The following FRK variants were observed in gnomAD, a reference collection of about 807,000 sequenced individuals.
FRK encodes the protein tyrosine-protein kinase FRK.
In FRK, 51 loss-of-function variants were observed where a neutral mutation model predicts 56.4. The ratio of observed to expected loss-of-function variants is 0.90; its 90% confidence interval spans 0.72 to 1.14. FRK has a LOEUF of 1.14. Ranked by LOEUF, FRK falls within the 50% of genes most tolerant of loss-of-function variation. FRK has a pLI of 0.00. For missense variants in FRK, 570 were observed against 601.4 expected (o/e 0.95, Z 0.55); for synonymous variants, 245 against 217.9 (o/e 1.12, Z -1.10).
rs1771964418 is a variant in FRK at position 115,931,914 on chromosome 6, C to T, written c.*10500G>A. Reference sequence around the variant, plus strand: ...CTGCATGGTAATACTTCCAACTGGACACTTGAGGTGTGTTTGAGATATAGC... The same window carrying T: ...CTGCATGGTAATACTTCCAACTGGATACTTGAGGTGTGTTTGAGATATAGC... On this transcript the variant is annotated 3_prime_UTR_variant, in exon 8 of 8. Transcript: ENST00000606080. The T allele has an allele frequency of 6.6e-6, 1 of 152,170 alleles. No homozygotes were observed. Among genetic ancestry groups the T allele is most frequent in the Non-Finnish European group, 1.5e-5 (1 of 68,018 alleles). The allele number at this position is 152,170 out of a possible 1,614,324, so 9.4% of individuals were successfully genotyped here.
chr6:116,094,183 G>A, the FRK span, among the ~76,000 whole-genome samples: 3 of 152,122 alleles, frequency 2.0e-5, no homozygotes, highest in South Asian at 2.1e-4. Context: ...CCACTATGCC[G>A]AGGCAATCAC....
At chr6:116,052,057 C>T (rs1777198465) in intron 1 of FRK, among the ~76,000 whole-genome samples, 1 of 152,022 alleles carries the variant, frequency 6.6e-6, no homozygotes, top group African/African-American at 2.4e-5. Flanking sequence ...TAAATATAAC[C>T]ATAGTATGGT....
At chr6:116,064,795 G>A (rs574019090), upstream of FRK, among the ~76,000 whole-genome samples, 8 of 152,216 alleles carry the variant, frequency 5.3e-5, no homozygotes, top group East Asian at 1.2e-3. Context: ...TGGAAGATAT[G>A]ACTTGGAATT....
chr6:115,995,238 G>C (rs1014451300), intron 2 of FRK, among the ~76,000 whole-genome samples: 2 of 152,066 alleles, frequency 1.3e-5, no homozygotes, highest in African/African-American at 4.8e-5. Context: ...TAGTTGAATA[G>C]GAAGTAGGAG....
At chr6:115,983,936 A>G (rs1004172117) in intron 2 of FRK, among the ~76,000 whole-genome samples, 4 of 152,164 alleles carry the variant, frequency 2.6e-5, no homozygotes, top group Admixed American at 2.6e-4. Context: ...ACTGCATCTT[A>G]TCCTCAAGGT....
At chr6:116,094,611 G>GT in the FRK span, among the ~76,000 whole-genome samples, 5 of 152,246 alleles carry the variant, frequency 3.3e-5, no homozygotes, top group Non-Finnish European at 7.3e-5. Context: ...AAACCATGGA[G>GT]TTATTGCACG....
intron 1 of FRK, among the ~76,000 whole-genome samples, chr6:116,016,429 G>A (rs573809568): frequency 2.2e-4 from 33 of 152,288 alleles, no homozygotes; most frequent in Non-Finnish European, 4.4e-4. Context: ...CATGTACCCA[G>A]AGAATATGTA....
At chr6:116,047,211 C>T (rs921253482) in intron 1 of FRK, among the ~76,000 whole-genome samples, 2 of 151,874 alleles carry the variant, frequency 1.3e-5, no homozygotes, top group African/African-American at 4.8e-5. Context: ...TAAAGATGAA[C>T]CTTCAAACTA....
chr6:115,959,404 G>C (rs3798243), intron 4 of FRK, among the ~76,000 whole-genome samples: 39,849 of 152,060 alleles, frequency 0.26, 6,356 homozygotes, highest in East Asian at 0.63. Context: ...AGGCTAGCTA[G>C]CTGCCTCTTC....
chr6:115,985,907 T>G (rs1319275380), intron 2 of FRK, among the ~76,000 whole-genome samples: 2 of 85,338 alleles, frequency 2.3e-5, no homozygotes, highest in East Asian at 2.2e-3. Flanking sequence ...AGCAGCAAAA[T>G]CATTATGATT....
At chr6:115,986,403 C>T (rs568051936) in intron 2 of FRK, among the ~76,000 whole-genome samples, 129 of 152,132 alleles carry the variant, frequency 8.5e-4, no homozygotes, top group Non-Finnish European at 1.2e-3. Flanking sequence ...AACCAGCAGC[C>T]ATTATATAGC....
At chr6:116,028,570 G>T (rs1037203732) in intron 1 of FRK, among the ~76,000 whole-genome samples, 1 of 152,140 alleles carries the variant, frequency 6.6e-6, no homozygotes, top group African/African-American at 2.4e-5. Flanking sequence ...CTCTCTCCTA[G>T]CTTCTGGTGT....
intron 5 of FRK, among the ~76,000 whole-genome samples, chr6:115,948,606 T>A (rs1012612004): frequency 1.5e-4 from 23 of 152,210 alleles, no homozygotes; most frequent in African/African-American, 5.5e-4. Flanking sequence ...TCTCACCCAC[T>A]TTTACTGTTT....
the FRK span, among the ~76,000 whole-genome samples, chr6:116,071,945 T>TTTC: frequency 7.9e-5 from 12 of 152,282 alleles, no homozygotes; most frequent in African/African-American, 2.9e-4. Flanking sequence ...CCATAGTAGT[T>TTTC]TTCTTCTTTT....
rs1374034068 is a variant in FRK at position 115,967,725 on chromosome 6, T to C, written c.631-6A>G. 6.4e-7 allele frequency: 1 copy of C among 1,563,714 alleles called. No individual in the cohort carries two copies. Among genetic ancestry groups the C allele is most frequent in the Non-Finnish European group, 8.7e-7 (1 of 1,154,634 alleles). ...AATGGAGCTGGGACCTGGATCTGTT[T>C]CATAGAATAATAAGAGCAATTGTTA... On this transcript the variant is annotated splice_region_variant and splice_polypyrimidine_tract_variant and intron_variant, in intron 3 of 7. Coordinates refer to ENST00000606080, the MANE Select transcript of FRK (RefSeq NM_002031.3).
chr6:116,030,661 G>A (rs1266096667), intron 1 of FRK, among the ~76,000 whole-genome samples: 1 of 152,108 alleles, frequency 6.6e-6, no homozygotes, highest in Non-Finnish European at 1.5e-5. Context: ...GGAGGGTGTG[G>A]AAACCCTTCA....
At chr6:115,974,191 C>T (rs1259461249) in intron 2 of FRK, among the ~76,000 whole-genome samples, 2 of 152,126 alleles carry the variant, frequency 1.3e-5, no homozygotes, top group African/African-American at 2.4e-5. Context: ...AAATGGACTA[C>T]GTGGAAATTA....
At chr6:116,078,917 C>T in the FRK span, among the ~76,000 whole-genome samples, 2 of 152,242 alleles carry the variant, frequency 1.3e-5, no homozygotes, top group East Asian at 3.9e-4. Flanking sequence ...TTTTGCTTAG[C>T]ATTATGACAT....
At chr6:116,055,568 A>G (rs1460223983) in intron 1 of FRK, among the ~76,000 whole-genome samples, 1 of 152,238 alleles carries the variant, frequency 6.6e-6, no homozygotes, top group Non-Finnish European at 1.5e-5. Context: ...CCTACCCACA[A>G]AGGTATGCCA....
Sources: gnomAD v4.1 joint callset for allele counts (sites outside exome capture counted in the v4.1 genomes callset) on GRCh38, gnomAD v4.1.1 for gene constraint, MANE v1.5 for transcripts, NCBI Gene and HGNC (gene_info 2026-07-23, HGNC 2026-07-21) for gene names.